The following SGCD variants were observed in gnomAD, a reference collection of about 807,000 sequenced individuals.
SGCD encodes sarcoglycan delta, also known as delta-sarcoglycan.
Under a neutral mutation model 36.6 loss-of-function variants are expected in SGCD, and 18 were observed. The ratio of observed to expected loss-of-function variants is 0.49; its 90% confidence interval spans 0.34 to 0.73. The LOEUF (loss-of-function observed/expected upper bound fraction) is 0.73, where lower values mean the gene tolerates loss of function less well. Among genes scored for constraint, SGCD ranks in the 30% least tolerant of loss-of-function variants. The pLI is 0.01. For synonymous variants in SGCD, 133 were observed against 130.6 expected, an observed-to-expected ratio of 1.02 and a Z score of -0.12; for missense variants, 387 against 346.7, an observed-to-expected ratio of 1.12 and a Z score of -0.92.
intron 1 of SGCD, among the ~76,000 whole-genome samples, chr5:155,875,164 T>C (rs1308944584): frequency 6.6e-6 from 1 of 152,100 alleles, no homozygotes; most frequent in African/African-American, 2.4e-5. Flanking sequence ...AGTAAATACG[T>C]ATTGTATAAG....
chr5:156,346,381 C>T (rs1417863177), intron 3 of SGCD, among the ~76,000 whole-genome samples: 1 of 152,144 alleles, frequency 6.6e-6, no homozygotes, highest in African/African-American at 2.4e-5. Flanking sequence ...TCACTGCAGC[C>T]ATGGACTCCT....
intron 4 of SGCD, among the ~76,000 whole-genome samples, chr5:156,550,656 A>T (rs1427156552): frequency 6.6e-6 from 1 of 152,136 alleles, no homozygotes; most frequent in Non-Finnish European, 1.5e-5. Flanking sequence ...GTTGTGGAGG[A>T]GTTGTTTGAG....
the SGCD span, among the ~76,000 whole-genome samples, chr5:155,812,993 G>A: frequency 6.6e-6 from 1 of 151,940 alleles, no homozygotes; most frequent in Non-Finnish European, 1.5e-5. Context: ...TGTGTCTTTG[G>A]GCATCTTATT....
chr5:156,218,793 T>A (rs1935083463), intron 3 of SGCD, among the ~76,000 whole-genome samples: 1 of 152,198 alleles, frequency 6.6e-6, no homozygotes, highest in Non-Finnish European at 1.5e-5. Flanking sequence ...CCTGCCAATA[T>A]AAATAGTGCA....
the SGCD span, among the ~76,000 whole-genome samples, chr5:155,735,525 G>A: frequency 5.4e-4 from 83 of 152,340 alleles, no homozygotes; most frequent in Middle Eastern, 0.01. Flanking sequence ...AGGTCATCCA[G>A]CAAGTTAGTG....
At chr5:156,227,588 T>C (rs1764890733) in intron 3 of SGCD, among the ~76,000 whole-genome samples, 1 of 151,068 alleles carries the variant, frequency 6.6e-6, no homozygotes, top group South Asian at 2.1e-4. Context: ...ATGTGGGCTC[T>C]TTTTTTTTGG....
chr5:155,969,679 G>A (rs867154169), intron 1 of SGCD, among the ~76,000 whole-genome samples: 9 of 152,202 alleles, frequency 5.9e-5, no homozygotes, highest in Middle Eastern at 3.4e-3. Context: ...CTGTTTCTAA[G>A]CTTCTTTAGA....
intron 3 of SGCD, 65 bp downstream of exon 3, chr5:156,344,742 G>A: frequency 1.6e-6 from 2 of 1,253,312 alleles, no homozygotes; most frequent in Middle Eastern, 1.9e-4. Flanking sequence ...GCAAGATGAT[G>A]AAGGAATGTG....
the SGCD span, among the ~76,000 whole-genome samples, chr5:155,793,824 T>C: frequency 1.3e-5 from 2 of 152,090 alleles, no homozygotes; most frequent in African/African-American, 4.8e-5. Context: ...GCTGGAATTA[T>C]GGGGATGAGC....
intron 7 of SGCD, among the ~76,000 whole-genome samples, chr5:156,736,287 G>T (rs1313461396): frequency 6.6e-6 from 1 of 152,160 alleles, no homozygotes; most frequent in African/African-American, 2.4e-5. Flanking sequence ...CTTTATTGCA[G>T]TTTTGTTCAT....
the SGCD span, among the ~76,000 whole-genome samples, chr5:155,848,098 G>C: frequency 6.6e-6 from 1 of 152,182 alleles, no homozygotes; most frequent in African/African-American, 2.4e-5. Flanking sequence ...CTATTGGGAA[G>C]ACAAGCACAC....
intron 1 of SGCD, among the ~76,000 whole-genome samples, chr5:155,874,642 G>A (rs1755728280): frequency 6.6e-6 from 1 of 152,072 alleles, no homozygotes; most frequent in Non-Finnish European, 1.5e-5. Flanking sequence ...GAACGTGAAT[G>A]GAAAATGAGA....
chr5:156,698,926 G>C (rs1270927854), intron 7 of SGCD, among the ~76,000 whole-genome samples: 1 of 150,092 alleles, frequency 6.7e-6, no homozygotes, highest in Non-Finnish European at 1.5e-5. Context: ...CCAAAAAGTA[G>C]TAGCTTAAAA....
At chr5:155,958,821 T>C (rs892752129) in intron 1 of SGCD, among the ~76,000 whole-genome samples, 2 of 152,092 alleles carry the variant, frequency 1.3e-5, no homozygotes, top group East Asian at 3.9e-4. Flanking sequence ...GGGAATCCCT[T>C]TGCCTGTCAC....
chr5:156,581,986 A>G (rs889144426), intron 4 of SGCD, among the ~76,000 whole-genome samples: 1 of 152,160 alleles, frequency 6.6e-6, no homozygotes, highest in Admixed American at 6.5e-5. Flanking sequence ...AAATGCAGAA[A>G]TCACCCTCTT....
At chr5:155,962,734 C>A (rs1164168804) in intron 1 of SGCD, among the ~76,000 whole-genome samples, 2 of 152,024 alleles carry the variant, frequency 1.3e-5, no homozygotes, top group Non-Finnish European at 2.9e-5. Flanking sequence ...GCACTGTGTG[C>A]ACAAAACTAT....
intron 6 of SGCD, among the ~76,000 whole-genome samples, chr5:156,615,330 T>C (rs1023739742): frequency 1.3e-5 from 2 of 152,272 alleles, no homozygotes; most frequent in Non-Finnish European, 2.9e-5. Flanking sequence ...ATTTATACTG[T>C]AGATTAGTTT....
At chr5:156,753,691 G>A (rs1387028764) in intron 7 of SGCD, among the ~76,000 whole-genome samples, 3 of 152,170 alleles carry the variant, frequency 2.0e-5, no homozygotes, top group African/African-American at 7.2e-5. Context: ...TCACAAGGTG[G>A]CAGGAAGGAG....
intron 3 of SGCD, among the ~76,000 whole-genome samples, chr5:156,217,685 T>C (rs906796978): frequency 7.9e-5 from 12 of 152,130 alleles, no homozygotes; most frequent in African/African-American, 1.9e-4. Context: ...TTTTAATTGC[T>C]TCAAAAAATT....
Sources: allele counts gnomAD v4.1 joint callset (sites outside exome capture counted in the v4.1 genomes callset), GRCh38; gene constraint gnomAD v4.1.1; transcripts MANE v1.5; gene names NCBI Gene and HGNC (gene_info 2026-07-23, HGNC 2026-07-21).